GREB1L: variants seen among roughly 807,000 people sequenced by gnomAD.
GREB1L encodes the protein GREB1-like protein.
GREB1L carries 17 observed loss-of-function variants against 200.8 expected under a neutral mutation model. That is an observed-to-expected ratio of 0.08 (90% CI 0.06 to 0.13). The LOEUF is 0.13. Among genes scored for constraint, GREB1L ranks in the 10% least tolerant of loss-of-function variants. The pLI, the probability that GREB1L is intolerant of heterozygous loss-of-function variation, is 1.00. For missense variants in GREB1L, 1,657 were observed against 2,367.7 expected (o/e 0.70, Z 6.23); for synonymous variants, 789 against 893.0 (o/e 0.88, Z 2.08).
intron 1 of GREB1L, among the ~76,000 whole-genome samples, chr18:21,346,029 A>G (rs763649945): frequency 2.0e-4 from 30 of 152,134 alleles, no homozygotes; most frequent in Non-Finnish European, 4.3e-4. Context: ...GTCCTGACAC[A>G]AAGAAGGCAC....
intron 7 of GREB1L, among the ~76,000 whole-genome samples, chr18:21,430,183 T>C (rs1568003593): frequency 6.6e-6 from 1 of 152,186 alleles, no homozygotes; most frequent in Non-Finnish European, 1.5e-5. Context: ...TCGAAGGTTT[T>C]AGGAATTGGG....
chr18:21,381,475 CTG>C (rs2040311004), intron 2 of GREB1L, among the ~76,000 whole-genome samples: 2 of 150,138 alleles, frequency 1.3e-5, no homozygotes, highest in African/African-American at 2.4e-5. Context: ...AAAATTAAAA[CTG>C]AAAAATTTTA....
At chr18:21,459,492 G>A (rs2034940365) in intron 15 of GREB1L, among the ~76,000 whole-genome samples, 1 of 151,550 alleles carries the variant, frequency 6.6e-6, no homozygotes, top group African/African-American at 2.4e-5. Context: ...CACCATGTTG[G>A]CCAGGCTTGT....
At chr18:21,251,660 ATC>A (rs1332408494) in intron 1 of GREB1L, among the ~76,000 whole-genome samples, 1 of 152,238 alleles carries the variant, frequency 6.6e-6, no homozygotes, top group Non-Finnish European at 1.5e-5. Context: ...AAAGATTATC[ATC>A]TCGGCTGGGC....
At chr18:21,489,796 G>T (rs1222514403) in intron 18 of GREB1L, among the ~76,000 whole-genome samples, 1 of 152,138 alleles carries the variant, frequency 6.6e-6, no homozygotes, top group Non-Finnish European at 1.5e-5. Context: ...CCTTTACTGT[G>T]CTGTACTTAT....
intron 1 of GREB1L, among the ~76,000 whole-genome samples, chr18:21,345,612 C>T (rs771325319): frequency 1.3e-5 from 2 of 152,008 alleles, no homozygotes; most frequent in Admixed American, 6.6e-5. Flanking sequence ...GTGGCTCACA[C>T]CTGTAATCCC....
intron 1 of GREB1L, among the ~76,000 whole-genome samples, chr18:21,297,271 G>T (rs1044872983): frequency 3.3e-5 from 5 of 152,152 alleles, no homozygotes; most frequent in Middle Eastern, 3.2e-3. Flanking sequence ...AGGTTTCCCA[G>T]CCCTTATACT....
At chr18:21,303,203 T>C (rs1220257401) in intron 1 of GREB1L, among the ~76,000 whole-genome samples, 2 of 152,198 alleles carry the variant, frequency 1.3e-5, no homozygotes, top group Non-Finnish European at 2.9e-5. Flanking sequence ...ATGCAATGTG[T>C]TCTTGAAGTC....
chr18:21,501,774 A>G (rs2036804167), intron 23 of GREB1L, among the ~76,000 whole-genome samples: 1 of 152,218 alleles, frequency 6.6e-6, no homozygotes, highest in African/African-American at 2.4e-5. Flanking sequence ...GCACGGGATT[A>G]CTATAATGAG....
Position 21,444,350 on chromosome 18 carries a change from G to A in GREB1L, c.1334G>A (p.Ser445Asn). 1 of 1,552,286 alleles carries A rather than the reference G, an allele frequency of 6.4e-7. No homozygotes were observed. Among genetic ancestry groups the A allele is most frequent in the Non-Finnish European group, 8.7e-7 (1 of 1,147,078 alleles). ...KDLEKLGLTG[S>N]QFLSVENMIL... is the part of the protein sequence containing the mutation. ...TTGGAAAAATTAGGGTTGACCGGCAGCCAATTTCTGAGCGTGGAAAACATG... is the reference window on the plus strand; with the variant it reads ...TTGGAAAAATTAGGGTTGACCGGCAACCAATTTCTGAGCGTGGAAAACATG... The change falls in exon 11 of 33, where the codon AGC becomes AAC. Residue 445 changes from serine to asparagine, a missense_variant. Around this residue, in one of 9 missense-constraint regions of GREB1L, gnomAD observed 289 missense variants for 345.1 expected, o/e 0.84. Coordinates refer to ENST00000424526, the MANE Select transcript of GREB1L (RefSeq NM_001142966.3).
intron 1 of GREB1L, among the ~76,000 whole-genome samples, chr18:21,268,367 C>G (rs1228188373): frequency 1.3e-5 from 2 of 151,118 alleles, no homozygotes; most frequent in African/African-American, 4.9e-5. Context: ...GAGGAATTAC[C>G]AATTACAGTA....
chr18:21,367,982 G>T (rs528945104), intron 2 of GREB1L, among the ~76,000 whole-genome samples: 1 of 152,108 alleles, frequency 6.6e-6, no homozygotes, highest in East Asian at 1.9e-4. Context: ...GAGGAATTTG[G>T]CAGTATTTTG....
At chr18:21,278,017 G>A (rs771078009) in intron 1 of GREB1L, among the ~76,000 whole-genome samples, 1 of 152,128 alleles carries the variant, frequency 6.6e-6, no homozygotes, top group Non-Finnish European at 1.5e-5. Flanking sequence ...GTCGAAATGG[G>A]TATAGCCATG....
intron 1 of GREB1L, among the ~76,000 whole-genome samples, chr18:21,361,206 G>A (rs1252286110): frequency 2.6e-5 from 4 of 152,188 alleles, no homozygotes; most frequent in South Asian, 4.1e-4. Flanking sequence ...GTGAAGTTCC[G>A]ATAACGTATG....
At chr18:21,474,581 C>T (rs182364902) in intron 16 of GREB1L, among the ~76,000 whole-genome samples, 23 of 152,270 alleles carry the variant, frequency 1.5e-4, no homozygotes, top group Admixed American at 1.4e-3. Context: ...AAGCTGCTTC[C>T]ACCCTCTGAA....
intron 15 of GREB1L, among the ~76,000 whole-genome samples, chr18:21,471,144 A>C (rs1385079985): frequency 1.3e-5 from 2 of 152,258 alleles, no homozygotes; most frequent in Non-Finnish European, 2.9e-5. Flanking sequence ...AGTCATCTTT[A>C]CACTGGACCT....
intron 18 of GREB1L, among the ~76,000 whole-genome samples, chr18:21,487,443 G>A (rs1437028794): frequency 6.6e-6 from 1 of 152,170 alleles, no homozygotes; most frequent in African/African-American, 2.4e-5. Flanking sequence ...TTGAAACATA[G>A]ATTATCTATA....
intron 1 of GREB1L, among the ~76,000 whole-genome samples, chr18:21,321,206 A>G (rs1259511641): frequency 6.6e-6 from 1 of 152,034 alleles, no homozygotes; most frequent in East Asian, 1.9e-4. Flanking sequence ...GAGGCAGGAG[A>G]ATCGCTTGAA....
At chr18:21,278,394 AAATAAAT>A (rs1567919390) in intron 1 of GREB1L, among the ~76,000 whole-genome samples, 183 of 111,996 alleles carry the variant, frequency 1.6e-3, no homozygotes, top group Middle Eastern at 4.2e-3. Flanking sequence ...AAAAAAAAAT[AAATAAAT>A]AAATAAATAA....
Sources: allele counts gnomAD v4.1 joint callset (sites outside exome capture counted in the v4.1 genomes callset), GRCh38; gene constraint gnomAD v4.1.1; regional missense constraint gnomAD v4.1.1; transcripts MANE v1.5; gene names NCBI Gene and HGNC (gene_info 2026-07-23, HGNC 2026-07-21).